CNTN1: variants seen among roughly 807,000 people sequenced by gnomAD.
The protein encoded by CNTN1 is contactin-1.
In CNTN1, 38 loss-of-function variants were observed where a neutral mutation model predicts 126.4. That is an observed-to-expected ratio of 0.30 (90% confidence interval 0.23 to 0.39). The LOEUF (loss-of-function observed/expected upper bound fraction) is 0.39. Ranked by LOEUF, CNTN1 falls within the 10% of genes least tolerant of loss-of-function variation. The probability of loss-of-function intolerance (pLI) is 1.00; values close to 1 mark genes in which losing one functional copy is unlikely to be tolerated. For missense variants in CNTN1, 1,009 were observed against 1,248.4 expected, an observed-to-expected ratio of 0.81 and a Z score of 2.89; for synonymous variants, 413 against 422.6, an observed-to-expected ratio of 0.98 and a Z score of 0.28.
intron 1 of CNTN1, among the ~76,000 whole-genome samples, chr12:40,753,011 G>T (rs188893497): frequency 1.9e-4 from 29 of 152,256 alleles, no homozygotes; most frequent in South Asian, 1.2e-3. Context: ...GCCTTTGGTG[G>T]TTTTCATAAT....
intron 14 of CNTN1, 46 bp downstream of exon 14, chr12:40,944,216 T>C: frequency 6.7e-7 from 1 of 1,494,992 alleles, no homozygotes; most frequent in Non-Finnish European, 9.3e-7. Context: ...GTGATTCCTA[T>C]GTGTCTGCAT....
chr12:40,848,604 A>T (rs550211575), intron 1 of CNTN1, among the ~76,000 whole-genome samples: 9 of 152,282 alleles, frequency 5.9e-5, no homozygotes, highest in African/African-American at 2.2e-4. Context: ...TTCTCTTTTA[A>T]AACGATATAG....
chr12:40,925,228 A>C (rs1372213208), intron 6 of CNTN1, among the ~76,000 whole-genome samples: 1 of 151,910 alleles, frequency 6.6e-6, no homozygotes, highest in Non-Finnish European at 1.5e-5. Context: ...AAGCCACCAA[A>C]GTGCTAATTA....
At chr12:40,714,052 G>A (rs1162179310) in intron 1 of CNTN1, among the ~76,000 whole-genome samples, 3 of 152,020 alleles carry the variant, frequency 2.0e-5, no homozygotes, top group Non-Finnish European at 4.4e-5. Context: ...TGTGAGATGG[G>A]AATGATTACC....
intron 14 of CNTN1, among the ~76,000 whole-genome samples, chr12:40,955,303 C>T (rs1364360651): frequency 1.3e-5 from 2 of 152,014 alleles, no homozygotes; most frequent in Admixed American, 6.6e-5. Context: ...TCTCTTTGGG[C>T]AAGGCTAAAC....
At chr12:40,874,587 C>A (rs549898861) in intron 1 of CNTN1, among the ~76,000 whole-genome samples, 1 of 151,974 alleles carries the variant, frequency 6.6e-6, no homozygotes, top group African/African-American at 2.4e-5. Flanking sequence ...ATAAATATGA[C>A]GCTTGCAAAA....
chr12:40,896,507 C>T (rs1944420053), intron 1 of CNTN1, among the ~76,000 whole-genome samples: 1 of 152,194 alleles, frequency 6.6e-6, no homozygotes, highest in Admixed American at 6.5e-5. Flanking sequence ...CTCCTAGCCT[C>T]ACTGCCTTTT....
intron 3 of CNTN1, among the ~76,000 whole-genome samples, chr12:40,916,840 T>C (rs1012390541): frequency 1.3e-5 from 2 of 151,934 alleles, no homozygotes; most frequent in Non-Finnish European, 2.9e-5. Context: ...ACTAGAAAAG[T>C]TCATGGCAGG....
At chr12:40,712,923 G>C (rs953324415) in intron 1 of CNTN1, among the ~76,000 whole-genome samples, 3 of 152,060 alleles carry the variant, frequency 2.0e-5, no homozygotes, top group African/African-American at 7.2e-5. Flanking sequence ...TCATCCTGCA[G>C]GTAATCGGGG....
intron 14 of CNTN1, among the ~76,000 whole-genome samples, chr12:40,944,880 A>T (rs182153252): frequency 2.0e-5 from 3 of 152,174 alleles, no homozygotes; most frequent in East Asian, 3.9e-4. Flanking sequence ...AAAAGCAAAC[A>T]TTTGTAAGAC....
At chr12:40,744,718 G>A (rs775895854) in intron 1 of CNTN1, among the ~76,000 whole-genome samples, 1 of 152,116 alleles carries the variant, frequency 6.6e-6, no homozygotes, top group African/African-American at 2.4e-5. Flanking sequence ...GGATTAAAAG[G>A]TGGAAAGAAT....
intron 15 of CNTN1, among the ~76,000 whole-genome samples, chr12:40,979,762 C>A (rs570119866): frequency 6.6e-6 from 1 of 152,118 alleles, no homozygotes; most frequent in East Asian, 1.9e-4. Context: ...AAAAGCTCTT[C>A]AAAGCCCAAA....
intron 23 of CNTN1, among the ~76,000 whole-genome samples, chr12:41,038,802 T>G (rs1304907213): frequency 6.6e-6 from 1 of 151,834 alleles, no homozygotes; most frequent in African/African-American, 2.4e-5. Flanking sequence ...TATCTGAAGG[T>G]AGCTGAGGAA....
At chr12:40,985,069 A>G (rs74586039) in intron 16 of CNTN1, among the ~76,000 whole-genome samples, 5,257 of 152,120 alleles carry the variant, frequency 0.035, 293 homozygotes, top group African/African-American at 0.12. Flanking sequence ...TTTTTGTAAG[A>G]TAAGTCTTTT....
chr12:40,954,589 C>A (rs1366509617), intron 14 of CNTN1, among the ~76,000 whole-genome samples: 3 of 152,060 alleles, frequency 2.0e-5, no homozygotes, highest in African/African-American at 7.2e-5. Context: ...TGGGCACAGT[C>A]CCCCAAACCA....
Position 40,930,216 on chromosome 12 carries a change from G to A in CNTN1, c.703+214G>A, listed in dbSNP as rs139823886. On this transcript the variant is annotated intron_variant, in intron 7 of 23. Transcript: ENST00000551295. ...AAATTGCTGTAAGAAGGTTGAGTTC[G>A]GATGAGTTGCCTCTAGCTCGGAAAA... Among the ~76,000 whole-genome samples the A allele has an allele frequency of 2.5e-3, 375 of 152,008 alleles. 2 individuals are homozygous for A. Among genetic ancestry groups the A allele is most frequent in the African/African-American group, 8.7e-3 (359 of 41,502 alleles).
chr12:40,821,484 AATT>A (rs1423026380), intron 1 of CNTN1, among the ~76,000 whole-genome samples: 1 of 152,244 alleles, frequency 6.6e-6, no homozygotes, highest in East Asian at 1.9e-4. Flanking sequence ...TATGTTTTTC[AATT>A]ATACTTGTAA....
At chr12:40,845,488 G>T (rs936604690) in intron 1 of CNTN1, among the ~76,000 whole-genome samples, 1 of 152,074 alleles carries the variant, frequency 6.6e-6, no homozygotes, top group African/African-American at 2.4e-5. Flanking sequence ...AGAGTACCAA[G>T]TAAAAGAAGA....
chr12:41,054,727 C>T (rs565917699), intron 23 of CNTN1, among the ~76,000 whole-genome samples: 24 of 152,070 alleles, frequency 1.6e-4, no homozygotes, highest in Non-Finnish European at 1.5e-5. Context: ...AACTCATTCT[C>T]TAGTTATTAG....
Sources: allele counts gnomAD v4.1 joint callset (sites outside exome capture counted in the v4.1 genomes callset), GRCh38; gene constraint gnomAD v4.1.1; transcripts MANE v1.5; gene names NCBI Gene and HGNC (gene_info 2026-07-23, HGNC 2026-07-21).